The following WHRN variants were observed in gnomAD, a reference collection of about 807,000 sequenced individuals.
WHRN encodes the protein CASK-interacting protein CIP98.
WHRN carries 41 observed loss-of-function variants against 68.3 expected under a neutral mutation model. That is an observed-to-expected ratio of 0.60 (90% CI 0.47 to 0.78). WHRN has a LOEUF of 0.78. Among genes scored for constraint, WHRN ranks in the 30% least tolerant of loss-of-function variants. The pLI is 0.00. For synonymous variants in WHRN, 560 were observed against 561.3 expected, an observed-to-expected ratio of 1.00 and a Z score of 0.03; for missense variants, 1,243 against 1,244.7, an observed-to-expected ratio of 1.00 and a Z score of 0.02.
At chr9:114,491,796 T>A (rs769344495) in intron 1 of WHRN, 4 of 266,796 alleles carry the variant, frequency 1.5e-5, no homozygotes, top group Non-Finnish European at 2.3e-5. Context: ...CTGGAGCCAG[T>A]CCCACCATGC....
chr9:114,424,281 G>C lies in WHRN; in HGVS notation c.1416+53C>G. The C allele has an allele frequency of 1.9e-6, 3 of 1,590,422 alleles. No homozygotes were observed. In the Admixed American group the frequency reaches 5.0e-5, roughly 27 times the overall value. On this transcript the variant is annotated intron_variant, in intron 6 of 11. Transcript: ENST00000362057. The stretch of plus-strand genomic sequence containing the variant: ...CAGCAAAGGAGCGGGGGCAGGGCAG[G>C]ATGCAGAGCCCTGGAAATGCTGAAG...
At chr9:114,425,915 G>T in intron 4 of WHRN, 1 of 461,388 alleles carries the variant, frequency 2.2e-6, no homozygotes, top group Non-Finnish European at 4.0e-6. Flanking sequence ...GATGAGGGCA[G>T]GGTTATGGTC....
chr9:114,405,230 C>T (rs948526806), intron 9 of WHRN, among the ~76,000 whole-genome samples: 3 of 151,990 alleles, frequency 2.0e-5, no homozygotes, highest in Non-Finnish European at 2.9e-5. Context: ...GCCCACCACA[C>T]CTGGCTAATT....
chr9:114,497,289 GGCT>G (rs1331114077), intron 1 of WHRN, among the ~76,000 whole-genome samples: 1 of 152,152 alleles, frequency 6.6e-6, no homozygotes, highest in Non-Finnish European at 1.5e-5. Context: ...TGACGAAACT[GGCT>G]GCTAACTGAA....
In WHRN at chr9:114,504,253, C is replaced by T. The variant is rs147477922; in HGVS notation, c.549G>A (p.Arg183=). Residue 183 remains arginine, a synonymous_variant, in exon 1 of 12, where the codon CGG becomes CGA. Transcript: ENST00000362057. ...PGSLAEKEGL[R]VGDQILRVND... Reference sequence around the variant, plus strand: ...TGACGCGCAGAATCTGGTCCCCGACCCGCAGTCCTTCCTTCTCAGCTAGAG... The same window carrying T: ...TGACGCGCAGAATCTGGTCCCCGACTCGCAGTCCTTCCTTCTCAGCTAGAG... 25 of 1,614,038 alleles carry T rather than the reference C, an allele frequency of 1.5e-5. No homozygotes were observed. Among genetic ancestry groups the T allele is most frequent in the Non-Finnish European group, 1.9e-5 (23 of 1,180,050 alleles).
chr9:114,409,990 T>C (rs1835314935), intron 7 of WHRN, among the ~76,000 whole-genome samples: 1 of 152,110 alleles, frequency 6.6e-6, no homozygotes, highest in Non-Finnish European at 1.5e-5. Context: ...TCATTGTGCC[T>C]ACATGACCGG....
At chr9:114,434,618 A>G (rs1388353556) in intron 3 of WHRN, among the ~76,000 whole-genome samples, 1 of 152,052 alleles carries the variant, frequency 6.6e-6, no homozygotes, top group Non-Finnish European at 1.5e-5. Flanking sequence ...AGCCCAATGC[A>G]TTTTACTTTC....
At chr9:114,486,076 C>T (rs926700860) in intron 1 of WHRN, among the ~76,000 whole-genome samples, 2 of 152,154 alleles carry the variant, frequency 1.3e-5, no homozygotes, top group African/African-American at 4.8e-5. Context: ...ACTGCGTATA[C>T]AGTACCTAGC....
chr9:114,432,409 A>G (rs1175121891), intron 3 of WHRN, among the ~76,000 whole-genome samples: 1 of 152,210 alleles, frequency 6.6e-6, no homozygotes, highest in Non-Finnish European at 1.5e-5. Context: ...ACTCTCCAAG[A>G]GACCTGAGGA....
At position 114,478,616 on chromosome 9, in the gene WHRN, C is replaced by T. The variant is rs1408558195; in HGVS notation, c.774G>A (p.Leu258=). ...SGLPQPHGGA[L]RQQEGDRRST... ...TCCTCCGGTCACCCTCCTGCTGCCT[C>T]AGGGCACCACCGTGGGGCTGGGGCA... Residue 258 remains leucine, a synonymous_variant, in exon 2 of 12, where the codon CTG becomes CTA. Coordinates refer to ENST00000362057, the MANE Select transcript of WHRN (RefSeq NM_015404.4). 2.5e-6 allele frequency: 4 copies of T among 1,613,952 alleles called. No individual in the cohort carries two copies. The East Asian group carries it at 6.7e-5, about 27-fold the overall frequency.
rs766123228 is a variant in WHRN at position 114,402,930 on chromosome 9, C to T, written c.2548G>A (p.Gly850Ser). 10 of 1,610,368 alleles carry T rather than the reference C, an allele frequency of 6.2e-6. No individual in the cohort carries two copies. Among genetic ancestry groups the T allele is most frequent in the Middle Eastern group, 1.6e-4 (1 of 6,068 alleles). The change falls in exon 12 of 12, where the codon GGC (glycine) becomes AGC (serine). Residue 850 changes from glycine (G) to serine (S), a missense_variant. Coordinates refer to ENST00000362057, the MANE Select transcript of WHRN (RefSeq NM_015404.4). ...LPRIVTIQRG[G>S]SAHNCGQLKV... is the part of the protein sequence containing the mutation. ...AGCTGCCCACAGTTGTGAGCTGAGC[C>T]GCCTCTCTGCAGGGAGGAGACACAG...
intron 1 of WHRN, among the ~76,000 whole-genome samples, chr9:114,483,555 G>C (rs959447642): frequency 1.3e-5 from 2 of 152,096 alleles, no homozygotes; most frequent in African/African-American, 4.8e-5. Flanking sequence ...AGGCCACCTG[G>C]GGGATCGCGA....
chr9:114,427,945 T>C (rs756992088), intron 3 of WHRN, among the ~76,000 whole-genome samples: 1 of 152,076 alleles, frequency 6.6e-6, no homozygotes, highest in Non-Finnish European at 1.5e-5. Flanking sequence ...CGATCAAGGG[T>C]GAGCTCAGCT....
chr9:114,421,110 CA>C (rs1390002232), intron 7 of WHRN, among the ~76,000 whole-genome samples: 2 of 152,190 alleles, frequency 1.3e-5, no homozygotes, highest in East Asian at 3.9e-4. Flanking sequence ...CCTTTAGGAC[CA>C]CTCTTTTCAT....
At position 114,403,057 on chromosome 9, in the gene WHRN, C is replaced by T. The variant is rs566645196; in HGVS notation, c.2542-121G>A. The T allele has an allele frequency of 2.4e-5, 36 of 1,530,060 alleles. No individual in the cohort carries two copies. In the South Asian group the frequency reaches 2.5e-4, roughly 11 times the overall value. 94.8% of individuals were successfully genotyped at this position (1,530,060 alleles called of 1,614,324 possible). ...AGCTACAATCTGAGTGTCCACTTCTCGGATTAGGAAAGCTGAGGCCCGGAA... is the reference window on the plus strand; with the variant it reads ...AGCTACAATCTGAGTGTCCACTTCTTGGATTAGGAAAGCTGAGGCCCGGAA... On this transcript the variant is annotated intron_variant, in intron 11 of 11. Transcript: ENST00000362057.
At chr9:114,492,510 T>C (rs961024607) in intron 1 of WHRN, among the ~76,000 whole-genome samples, 1 of 152,188 alleles carries the variant, frequency 6.6e-6, no homozygotes, top group African/African-American at 2.4e-5. Context: ...GTGTAACGAA[T>C]AGGCTAGATA....
At chr9:114,447,607 C>T (rs1189510526) in intron 3 of WHRN, among the ~76,000 whole-genome samples, 3 of 152,128 alleles carry the variant, frequency 2.0e-5, no homozygotes, top group Non-Finnish European at 2.9e-5. Flanking sequence ...CATGTGTTGT[C>T]CATGGACCAA....
chr9:114,411,931 A>G (rs774738685), intron 7 of WHRN, among the ~76,000 whole-genome samples: 26 of 152,184 alleles, frequency 1.7e-4, no homozygotes, highest in Non-Finnish European at 2.9e-4. Context: ...TGAGGCCCCC[A>G]TGAGCAACCC....
At chr9:114,404,136 C>T in intron 9 of WHRN, 59 bp from the exon 10 acceptor site, 1 of 1,555,010 alleles carries the variant, frequency 6.4e-7, no homozygotes, top group South Asian at 1.1e-5. Flanking sequence ...GGGAGGGCTG[C>T]CTGGAGGCAG....
Sources: gnomAD v4.1 joint callset for allele counts (sites outside exome capture counted in the v4.1 genomes callset) on GRCh38, gnomAD v4.1.1 for gene constraint, MANE v1.5 for transcripts, NCBI Gene and HGNC (gene_info 2026-07-23, HGNC 2026-07-21) for gene names.